Variants in ABCC2 observed in about 807,000 individuals in gnomAD.
The protein encoded by ABCC2 is ATP-binding cassette sub-family C member 2.
ABCC2 carries 157 observed loss-of-function variants against 173.4 expected under a neutral mutation model. The observed-to-expected ratio is 0.91, with a 90% CI of 0.80 to 1.03. ABCC2 has a LOEUF of 1.03. ABCC2 is among the 50% of genes least tolerant of loss of function. The probability of loss-of-function intolerance (pLI) is 0.00; values close to 1 mark genes in which losing one functional copy is unlikely to be tolerated. For synonymous variants in ABCC2, 657 were observed against 693.5 expected (o/e 0.95, Z 0.83); for missense variants, 1,822 against 1,852.3 (o/e 0.98, Z 0.30).
chr10:99,845,537 C>A, intron 28 of ABCC2, 87 bp from the exon 29 acceptor site: 1 of 1,532,644 alleles, frequency 6.5e-7, no homozygotes, highest in Non-Finnish European at 9.0e-7. Flanking sequence ...CTGCCTCTTA[C>A]CTCCTGTGAC....
At chr10:99,830,529 C>T in intron 20 of ABCC2, 96 bp downstream of exon 20, 1 of 1,578,084 alleles carries the variant, frequency 6.3e-7, no homozygotes, top group South Asian at 1.1e-5. Flanking sequence ...AGGGTTAACA[C>T]CATGGACACT....
chr10:99,804,057 C>A lies in ABCC2; in HGVS notation c.1248C>A (p.Thr416=). 4 of 1,614,062 alleles carry A rather than the reference C, an allele frequency of 2.5e-6. No homozygotes were observed. The highest frequency in any genetic ancestry group is 3.4e-6 in the Non-Finnish European group (4 of 1,180,000). The change falls in exon 10 of 32, where the codon ACC becomes ACA. Residue 416 remains threonine (T), a synonymous_variant. Coordinates refer to ENST00000647814, the MANE Select transcript of ABCC2 (RefSeq NM_000392.5). ...CCAACTTGGCCAGGAAGGAGTACAC[C>A]GTTGGAGAAACAGTGAACCTGATGT... ...TLSNLARKEY[T]VGETVNLMSV...
rs1433887158 is a variant in ABCC2, at chr10:99,845,797, TTACTCGGG to T, written c.4146+16_4146+23del. On this transcript the variant is annotated intron_variant, in intron 29 of 31. Transcript: ENST00000647814. ...TCATCCCCCAGGTGAGCTCTAGAAC[TTACTCGGG>T]CACATGCCGTGGGGAGCAGCTTGTT... is the stretch of plus-strand genomic sequence containing the variant. 1 of 1,605,532 alleles carries T rather than the reference TTACTCGGG, an allele frequency of 6.2e-7. No individual in the cohort carries two copies. Among genetic ancestry groups the T allele is most frequent in the Non-Finnish European group, 8.5e-7 (1 of 1,176,646 alleles).
At chr10:99,812,259 C>A (rs17112266) in intron 15 of ABCC2, among the ~76,000 whole-genome samples, 4,181 of 152,300 alleles carry the variant, frequency 0.027, 205 homozygotes, top group African/African-American at 0.094. Context: ...GGAGCACATG[C>A]TCTGAACCTT....
intron 19 of ABCC2, among the ~76,000 whole-genome samples, chr10:99,827,577 A>C (rs369714413): frequency 6.7e-6 from 1 of 150,032 alleles, no homozygotes; most frequent in South Asian, 2.1e-4. Flanking sequence ...ATTCCATACT[A>C]TAAGTGGAAT....
At chr10:99,828,596 T>C (rs2038685888) in intron 19 of ABCC2, among the ~76,000 whole-genome samples, 1 of 152,240 alleles carries the variant, frequency 6.6e-6, no homozygotes, top group South Asian at 2.1e-4. Flanking sequence ...GTTCTTCCTA[T>C]ATGTTTGTTT....
At chr10:99,830,100 T>C (rs945507214) in intron 19 of ABCC2, among the ~76,000 whole-genome samples, 6 of 152,254 alleles carry the variant, frequency 3.9e-5, no homozygotes, top group African/African-American at 1.4e-4. Context: ...TATTAATTCA[T>C]CTCTCCTTTA....
chr10:99,843,944 A>G lies in ABCC2; in HGVS notation c.3843+44A>G, dbSNP rs373691421. 1.2e-4 allele frequency: 174 copies of G among 1,440,274 alleles called. 1 individual carries two copies. The East Asian group carries it at 3.6e-3, about 29-fold the overall frequency. 89.2% of individuals were successfully genotyped at this position (1,440,274 alleles called of 1,614,324 possible). On this transcript the variant is annotated intron_variant, in intron 27 of 31. Transcript: ENST00000647814. The stretch of plus-strand genomic sequence containing the variant: ...AATCCAGGAACAAGGCAAAAACAAC[A>G]TGCAACTCCTTCGAGAGTGCATCTT...
Position 99,818,969 on chromosome 10 carries a change from T to C in ABCC2, c.2439+12T>C, listed in dbSNP as rs766320733. The stretch of plus-strand genomic sequence containing the variant: ...TGTTGAAAGGCAAGGTGAGAAATCA[T>C]TGAACATGATGAAGATATAAAGGTG... On this transcript the variant is annotated intron_variant, in intron 18 of 31. Transcript: ENST00000647814. The C allele has an allele frequency of 4.3e-5, 69 of 1,613,916 alleles. 2 individuals carry two copies. The South Asian group carries it at 6.4e-4, about 15-fold the overall frequency.
At chr10:99,841,671 T>G (rs2038947008) in intron 25 of ABCC2, among the ~76,000 whole-genome samples, 1 of 152,232 alleles carries the variant, frequency 6.6e-6, no homozygotes, top group Non-Finnish European at 1.5e-5. Flanking sequence ...ACATTGTATA[T>G]TAACAGTTGC....
chr10:99,841,842 G>C, intron 25 of ABCC2, 125 bp from the exon 26 acceptor site: 5 of 1,238,804 alleles, frequency 4.0e-6, no homozygotes, highest in Non-Finnish European at 5.8e-6. Context: ...TCAAATTGAG[G>C]CATTGCCTAA....
intron 19 of ABCC2, among the ~76,000 whole-genome samples, chr10:99,821,873 T>C (rs964820796): frequency 6.7e-6 from 1 of 149,462 alleles, no homozygotes; most frequent in African/African-American, 2.5e-5. Context: ...TCTTCGGAGC[T>C]GTTGGGTACA....
At chr10:99,835,738 TTTCTC>T (rs2038809803) in intron 24 of ABCC2, among the ~76,000 whole-genome samples, 1 of 152,154 alleles carries the variant, frequency 6.6e-6, no homozygotes, top group Non-Finnish European at 1.5e-5. Flanking sequence ...TTGGGGACCT[TTTCTC>T]TAATGAGTAC....
intron 9 of ABCC2, 66 bp downstream of exon 9, chr10:99,800,629 G>A (rs1590150873): frequency 7.7e-6 from 12 of 1,566,170 alleles, no homozygotes; most frequent in Non-Finnish European, 1.1e-5. Context: ...TTGATTCCAA[G>A]GTTGAGGAAA....
At chr10:99,805,312 T>A in intron 10 of ABCC2, 70 bp from the exon 11 acceptor site, 1 of 1,397,304 alleles carries the variant, frequency 7.2e-7, no homozygotes, top group Non-Finnish European at 1.0e-6. Flanking sequence ...TGAGGCCTGA[T>A]GTCTGCAGCA....
chr10:99,807,673 T>C, intron 12 of ABCC2, 152 bp downstream of exon 12: 1 of 1,147,078 alleles, frequency 8.7e-7, no homozygotes, highest in Non-Finnish European at 1.3e-6. Context: ...CATGCCACTT[T>C]TCCTCCTTTG....
At position 99,811,267 on chromosome 10, in the gene ABCC2, C is replaced by T. The variant is rs188257070; in HGVS notation, c.1901-269C>T. On this transcript the variant is annotated intron_variant, in intron 14 of 31. Transcript: ENST00000647814. ...ATCTCTTGAGCCCGGAAAGTCAAGG[C>T]GGCAGTCAGCCAAGATTGCACCACT... Among the ~76,000 whole-genome samples the T allele has an allele frequency of 1.7e-3, 250 of 151,480 alleles. 1 individual carries two copies. The highest frequency in any genetic ancestry group is 5.7e-3 in the African/African-American group (235 of 41,220).
At chr10:99,789,938 GGTCT>G (rs1281255676) in intron 2 of ABCC2, among the ~76,000 whole-genome samples, 1 of 152,048 alleles carries the variant, frequency 6.6e-6, no homozygotes, top group African/African-American at 2.4e-5. Flanking sequence ...TCCCACAAAA[GGTCT>G]GCTTCTTTCT....
chr10:99,814,235 ATATATG>A (rs1564683936), intron 16 of ABCC2, among the ~76,000 whole-genome samples: 2 of 65,398 alleles, frequency 3.1e-5, no homozygotes, highest in Non-Finnish European at 6.1e-5. Flanking sequence ...ACACATGTGT[ATATATG>A]CACACACGTA....
Sources: gnomAD v4.1 joint callset for allele counts (sites outside exome capture counted in the v4.1 genomes callset) on GRCh38, gnomAD v4.1.1 for gene constraint, MANE v1.5 for transcripts, NCBI Gene and HGNC (gene_info 2026-07-23, HGNC 2026-07-21) for gene names.